ZNF516: variants seen among roughly 807,000 people sequenced by gnomAD.
ZNF516 encodes zinc finger protein 516.
Under a neutral mutation model 79.7 loss-of-function variants are expected in ZNF516, and 19 were observed. That is an observed-to-expected ratio of 0.24 (90% CI 0.17 to 0.35). ZNF516 has a LOEUF of 0.35. ZNF516 is among the 10% of genes least tolerant of loss of function. ZNF516 has a pLI of 1.00. For missense variants in ZNF516, 1,678 were observed against 1,679.5 expected (o/e 1.00, Z 0.02); for synonymous variants, 877 against 739.5 (o/e 1.19, Z -3.02).
At chr18:76,426,371 T>A (rs1568281384) in intron 3 of ZNF516, among the ~76,000 whole-genome samples, 1 of 152,144 alleles carries the variant, frequency 6.6e-6, no homozygotes, top group Non-Finnish European at 1.5e-5. Context: ...ATTTCCCCCA[T>A]GCATTAAAAG....
At position 76,385,251 on chromosome 18, in the gene ZNF516, T is replaced by C. The variant is rs79544507; in HGVS notation, c.1811-4948A>G. Among the ~76,000 whole-genome samples, 1,356 of 152,354 alleles carry C rather than the reference T, an allele frequency of 8.9e-3. 20 individuals carry two copies. Among genetic ancestry groups the C allele is most frequent in the African/African-American group, 0.03 (1,240 of 41,586 alleles). ...GGAAACACAAACATGGATTAGGTCTTGGGTGACTTCACTGCGTCCCAAGCT... is the reference window on the plus strand; with the variant it reads ...GGAAACACAAACATGGATTAGGTCTCGGGTGACTTCACTGCGTCCCAAGCT... On this transcript the variant is annotated intron_variant, in intron 3 of 6. Coordinates refer to ENST00000443185, the MANE Select transcript of ZNF516 (RefSeq NM_014643.4).
chr18:76,416,311 C>A (rs1347513105), intron 3 of ZNF516, among the ~76,000 whole-genome samples: 1 of 152,238 alleles, frequency 6.6e-6, no homozygotes, highest in Admixed American at 6.5e-5. Context: ...TGGCCTTCAC[C>A]ACCTTTAGAC....
At chr18:76,381,488 A>G (rs1182005051) in intron 3 of ZNF516, among the ~76,000 whole-genome samples, 1 of 152,190 alleles carries the variant, frequency 6.6e-6, no homozygotes, top group Non-Finnish European at 1.5e-5. Context: ...CATTCAGTAA[A>G]ATGGAGGGAT....
intron 3 of ZNF516, among the ~76,000 whole-genome samples, chr18:76,407,367 G>A (rs2075316756): frequency 1.3e-5 from 2 of 152,244 alleles, no homozygotes; most frequent in Admixed American, 1.3e-4. Context: ...CAAGGTTGCA[G>A]TGAGCCAAGA....
At chr18:76,445,770 A>AGGAG (rs1912007180) in intron 2 of ZNF516, among the ~76,000 whole-genome samples, 2 of 152,240 alleles carry the variant, frequency 1.3e-5, no homozygotes, top group African/African-American at 4.8e-5. Context: ...GACAGGATTC[A>AGGAG]CCCAGGAGGA....
At position 76,358,438 on chromosome 18, in the gene ZNF516, T is replaced by C. The variant is rs1005868256; in HGVS notation, c.*4060A>G. On this transcript the variant is annotated 3_prime_UTR_variant, in exon 7 of 7. Coordinates refer to ENST00000443185, the MANE Select transcript of ZNF516 (RefSeq NM_014643.4). ...CTCAAAGCAGAATTAGCAAAGCTGA[T>C]GAAGAATGAACATTTTCCCTTGGGC... is the stretch of plus-strand genomic sequence containing the variant. The C allele has an allele frequency of 1.3e-5, 2 of 152,372 alleles. No homozygotes were observed. Among genetic ancestry groups the C allele is most frequent in the Admixed American group, 1.3e-4 (2 of 15,308 alleles). 9.4% of individuals were successfully genotyped at this position (152,372 alleles called of 1,614,324 possible).
chr18:76,381,568 C>A (rs928347072), intron 3 of ZNF516, among the ~76,000 whole-genome samples: 2 of 152,222 alleles, frequency 1.3e-5, no homozygotes, highest in African/African-American at 4.8e-5. Context: ...GGAATCCCAA[C>A]AAACTGGTAA....
intron 3 of ZNF516, among the ~76,000 whole-genome samples, chr18:76,407,419 T>G (rs1012011273): frequency 1.3e-5 from 2 of 152,056 alleles, no homozygotes; most frequent in East Asian, 3.9e-4. Context: ...AGACCCTGTC[T>G]CATAACAAAG....
rs1911678126 is a variant in ZNF516, at chr18:76,441,847, G to C, written c.1208C>G (p.Ala403Gly). ...GTCCAGCTCAGCCACCCGCCGTCCG[G>C]CCTGCGTGCCAGGGCACGAGTCGCC... ...AAGDSCPGTQAGRRVAELDPV... is the reference protein window; with the variant it reads ...AAGDSCPGTQGGRRVAELDPV... Residue 403 changes from alanine (A) to glycine (G), a missense_variant, in exon 3 of 7, where the codon GCC (alanine) becomes GGC (glycine). Ala to Gly is a moderately conservative substitution (Grantham distance 60). Transcript: ENST00000443185. 3 of 1,575,010 alleles carry C rather than the reference G, an allele frequency of 1.9e-6. No homozygotes were observed. The highest frequency in any genetic ancestry group is 2.6e-6 in the Non-Finnish European group (3 of 1,167,406).
intron 1 of ZNF516, among the ~76,000 whole-genome samples, chr18:76,489,295 T>A (rs974588080): frequency 2.0e-5 from 3 of 152,222 alleles, no homozygotes; most frequent in African/African-American, 7.2e-5. Context: ...TAGGTCACAT[T>A]ATCATTTTTC....
chr18:76,408,493 T>C (rs896328092), intron 3 of ZNF516, among the ~76,000 whole-genome samples: 1 of 152,096 alleles, frequency 6.6e-6, no homozygotes, highest in Non-Finnish European at 1.5e-5. Flanking sequence ...GAAAGTACAC[T>C]GTGAGGTTTA....
At chr18:76,474,062 T>C (rs1914037766) in intron 1 of ZNF516, among the ~76,000 whole-genome samples, 1 of 152,066 alleles carries the variant, frequency 6.6e-6, no homozygotes. Flanking sequence ...ATTACACTTT[T>C]AAGTCAAATA....
chr18:76,412,331 G>A (rs900182742), intron 3 of ZNF516, among the ~76,000 whole-genome samples: 1 of 152,130 alleles, frequency 6.6e-6, no homozygotes, highest in Non-Finnish European at 1.5e-5. Context: ...CAAAGGGACG[G>A]CCTGAAACAG....
At chr18:76,450,459 G>A (rs917740495) in intron 2 of ZNF516, among the ~76,000 whole-genome samples, 7 of 151,170 alleles carry the variant, frequency 4.6e-5, no homozygotes, top group South Asian at 2.1e-4. Flanking sequence ...AAGAAAAATC[G>A]TCTGAATAAT....
intron 3 of ZNF516, among the ~76,000 whole-genome samples, chr18:76,405,298 A>G (rs1199613282): frequency 6.6e-6 from 1 of 152,126 alleles, no homozygotes; most frequent in South Asian, 2.1e-4. Flanking sequence ...GTGCAATCAT[A>G]GCTCACTGCG....
At chr18:76,366,383 A>G (rs2074611758) in intron 6 of ZNF516, among the ~76,000 whole-genome samples, 2 of 152,252 alleles carry the variant, frequency 1.3e-5, no homozygotes, top group Admixed American at 1.3e-4. Flanking sequence ...GCTTTTGAAC[A>G]GAATGCAGCA....
intron 3 of ZNF516, among the ~76,000 whole-genome samples, chr18:76,413,844 C>G (rs958908031): frequency 2.0e-5 from 3 of 152,138 alleles, no homozygotes; most frequent in Non-Finnish European, 4.4e-5. Flanking sequence ...AAAAATGTCC[C>G]AAGTCTTCAC....
intron 3 of ZNF516, among the ~76,000 whole-genome samples, chr18:76,426,532 T>C (rs1227596399): frequency 2.1e-5 from 2 of 93,658 alleles, no homozygotes; most frequent in Non-Finnish European, 4.7e-5. Flanking sequence ...ATACATAAAC[T>C]TTTTTTTTAA....
At chr18:76,373,376 G>A (rs576533812) in intron 4 of ZNF516, among the ~76,000 whole-genome samples, 2 of 152,136 alleles carry the variant, frequency 1.3e-5, no homozygotes, top group East Asian at 3.9e-4. Context: ...GATTTTTTAA[G>A]CTATTTTGTT....
Sources: gnomAD v4.1 joint callset for allele counts (sites outside exome capture counted in the v4.1 genomes callset) on GRCh38, gnomAD v4.1.1 for gene constraint, MANE v1.5 for transcripts, NCBI Gene and HGNC (gene_info 2026-07-23, HGNC 2026-07-21) for gene names.